The following TANGO6 variants were observed in gnomAD, a reference collection of about 807,000 sequenced individuals.
TANGO6 encodes transport and golgi organization 6 homolog.
TANGO6 carries 90 observed loss-of-function variants against 114.2 expected under a neutral mutation model. That is an observed-to-expected ratio of 0.79 (90% CI 0.66 to 0.94). The LOEUF (loss-of-function observed/expected upper bound fraction) is 0.94, where lower values mean the gene tolerates loss of function less well. Ranked by LOEUF, TANGO6 falls within the 40% of genes least tolerant of loss-of-function variation. The probability of loss-of-function intolerance (pLI) is 0.00; values close to 1 mark genes in which losing one functional copy is unlikely to be tolerated. For synonymous variants in TANGO6, 477 were observed against 509.8 expected (o/e 0.94, Z 0.87); for missense variants, 1,274 against 1,315.3 (o/e 0.97, Z 0.49).
At chr16:68,881,622 G>C (rs960677356) in intron 7 of TANGO6, among the ~76,000 whole-genome samples, 1 of 152,156 alleles carries the variant, frequency 6.6e-6, no homozygotes, top group Non-Finnish European at 1.5e-5. Context: ...AGTAATTACT[G>C]TCATAACAAA....
intron 17 of TANGO6, among the ~76,000 whole-genome samples, chr16:69,061,485 A>G (rs1000832726): frequency 3.9e-5 from 6 of 152,254 alleles, no homozygotes; most frequent in Admixed American, 3.9e-4. Flanking sequence ...CCTGGGAGGC[A>G]GAGGTTGCAG....
intron 15 of TANGO6, among the ~76,000 whole-genome samples, chr16:69,019,007 T>G (rs1036472854): frequency 2.6e-5 from 4 of 152,236 alleles, no homozygotes; most frequent in African/African-American, 9.6e-5. Context: ...ATGGGAATAC[T>G]GGTTCTGGTA....
intron 15 of TANGO6, among the ~76,000 whole-genome samples, chr16:68,984,714 G>T (rs957797032): frequency 4.6e-5 from 7 of 152,030 alleles, no homozygotes; most frequent in African/African-American, 1.7e-4. Context: ...TAGATGTGGG[G>T]TCTCACTATG....
At chr16:69,062,805 A>G (rs2152240628) in intron 17 of TANGO6, among the ~76,000 whole-genome samples, 1 of 151,208 alleles carries the variant, frequency 6.6e-6, no homozygotes, top group South Asian at 2.1e-4. Flanking sequence ...AAAAAAAAAA[A>G]AAAGAATCAG....
At chr16:69,057,081 C>G (rs1960044569) in intron 17 of TANGO6, among the ~76,000 whole-genome samples, 1 of 132,876 alleles carries the variant, frequency 7.5e-6, no homozygotes, top group Non-Finnish European at 1.5e-5. Flanking sequence ...TGATCTGGCT[C>G]ACTGCAAGCT....
chr16:69,048,484 G>A (rs1428126395), intron 17 of TANGO6, among the ~76,000 whole-genome samples: 1 of 151,954 alleles, frequency 6.6e-6, no homozygotes, highest in East Asian at 1.9e-4. Context: ...GCTCACTGCA[G>A]CCTGAAACTC....
At chr16:69,021,142 T>C (rs904625047) in intron 15 of TANGO6, among the ~76,000 whole-genome samples, 1 of 152,282 alleles carries the variant, frequency 6.6e-6, no homozygotes, top group African/African-American at 2.4e-5. Context: ...CTCATTGTAC[T>C]CTGAGAAAAA....
At position 68,966,915 on chromosome 16, in the gene TANGO6, G is replaced by A. The variant is rs376166864; in HGVS notation, c.2702-7113G>A. Among the ~76,000 whole-genome samples the A allele has an allele frequency of 1.3e-4, 20 of 152,036 alleles. 1 individual carries two copies. Among genetic ancestry groups the A allele is most frequent in the Admixed American group, 6.6e-5 (1 of 15,230 alleles). On this transcript the variant is annotated intron_variant, in intron 14 of 17. Transcript: ENST00000261778. Reference sequence around the variant, plus strand: ...GCCTCCCAAGTAGCTGGGAATACACGTATGCACCACCATGCCCTGCTAATT... The same window carrying A: ...GCCTCCCAAGTAGCTGGGAATACACATATGCACCACCATGCCCTGCTAATT...
chr16:68,874,003 C>T (rs531990142), intron 4 of TANGO6, among the ~76,000 whole-genome samples: 28 of 152,322 alleles, frequency 1.8e-4, no homozygotes, highest in Admixed American at 1.7e-3. Context: ...GAGATCCTCC[C>T]AGGCTGGCTG....
At chr16:68,995,431 A>G (rs561234652) in intron 15 of TANGO6, among the ~76,000 whole-genome samples, 3 of 152,150 alleles carry the variant, frequency 2.0e-5, no homozygotes, top group Non-Finnish European at 4.4e-5. Flanking sequence ...CCTCATCAAG[A>G]CCAGAAGATG....
chr16:69,020,900 A>ATGTGTGTGTGTG lies in TANGO6; in HGVS notation c.2843-1925_2843-1924insGTGTGTGTGTGT, dbSNP rs764050755. Among the ~76,000 whole-genome samples, 28 of 126,476 alleles carry ATGTGTGTGTGTG rather than the reference A, an allele frequency of 2.2e-4. 1 individual carries two copies. Among genetic ancestry groups the ATGTGTGTGTGTG allele is most frequent in the African/African-American group, 9.0e-4 (25 of 27,884 alleles). 83.0% of individuals were successfully genotyped at this position (126,476 alleles called of 152,430 possible). Reference sequence around the variant, plus strand: ...AGACCCACCCCCCCTTTATATATGTATGTATGTGTGTGTGTGTGTGTGTGT... The same window carrying ATGTGTGTGTGTG: ...AGACCCACCCCCCCTTTATATATGTATGTGTGTGTGTGTGTATGTGTGTGTGTGTGTGTGTGT... On this transcript the variant is annotated intron_variant, in intron 15 of 17. Transcript: ENST00000261778.
chr16:68,867,108 G>T lies in TANGO6; in HGVS notation c.882G>T (p.Arg294Ser). 6.2e-7 allele frequency: 1 copy of T among 1,613,302 alleles called. No homozygotes were observed. Among genetic ancestry groups the T allele is most frequent in the Non-Finnish European group, 8.5e-7 (1 of 1,179,754 alleles). The change falls in exon 4 of 18, where the codon AGG becomes AGT. Residue 294 changes from arginine to serine, a missense_variant. Coordinates refer to ENST00000261778, the MANE Select transcript of TANGO6 (RefSeq NM_024562.2). ...GCACAGATGTGAAGACACAGATGAG[G>T]TGTCGGGCCCCAGCTTGGCTTCGGC... ...QSCTDVKTQMRCRAPAWLRRL... is the reference protein window; with the variant it reads ...QSCTDVKTQMSCRAPAWLRRL...
intron 1 of TANGO6, among the ~76,000 whole-genome samples, chr16:68,855,481 C>T (rs1456313774): frequency 6.6e-6 from 1 of 151,786 alleles, no homozygotes; most frequent in Non-Finnish European, 1.5e-5. Context: ...ACTGGGGAGG[C>T]TGAGGCACGA....
chr16:69,054,952 A>T (rs988759944), intron 17 of TANGO6, among the ~76,000 whole-genome samples: 5 of 151,712 alleles, frequency 3.3e-5, no homozygotes, highest in Non-Finnish European at 7.4e-5. Context: ...AAAAAAAAAA[A>T]AAAAAAAAAA....
intron 17 of TANGO6, among the ~76,000 whole-genome samples, chr16:69,074,922 C>A (rs935447853): frequency 1.3e-5 from 2 of 151,832 alleles, no homozygotes; most frequent in Non-Finnish European, 2.9e-5. Context: ...ATTCTTGGCT[C>A]ACTGCAACCT....
At chr16:68,973,774 A>C in intron 14 of TANGO6, 1 of 491,876 alleles carries the variant, frequency 2.0e-6, no homozygotes, top group South Asian at 2.6e-5. Flanking sequence ...TGCCTGGATC[A>C]TAGAACGTCA....
rs779559309 is a variant in TANGO6 at position 68,843,659 on chromosome 16, A to G, written c.42A>G (p.Thr14=). 16 of 1,613,644 alleles carry G rather than the reference A, an allele frequency of 9.9e-6. No individual in the cohort carries two copies. Among genetic ancestry groups the G allele is most frequent in the Non-Finnish European group, 1.3e-5 (15 of 1,179,738 alleles). The part of the protein sequence containing the change: ...RQAVGSGAQE[T]CGLDRILEAL... ...CCGTGGGCAGCGGGGCTCAGGAGAC[A>G]TGCGGTCTGGATCGGATTTTGGAGG... is the stretch of plus-strand genomic sequence containing the variant. Residue 14 remains threonine, a synonymous_variant, in exon 1 of 18, where the codon ACA becomes ACG. Transcript: ENST00000261778.
chr16:68,882,292 T>A (rs911207784), intron 7 of TANGO6, among the ~76,000 whole-genome samples: 1 of 150,898 alleles, frequency 6.6e-6, no homozygotes, highest in Non-Finnish European at 1.5e-5. Context: ...GTCAGGAGAT[T>A]GAGACCATCC....
chr16:69,068,697 C>T (rs1960253696), intron 17 of TANGO6, among the ~76,000 whole-genome samples: 1 of 152,106 alleles, frequency 6.6e-6, no homozygotes. Context: ...TTTGCAATTC[C>T]TTGTGCTTGG....
Sources: gnomAD v4.1 joint callset for allele counts (sites outside exome capture counted in the v4.1 genomes callset) on GRCh38, gnomAD v4.1.1 for gene constraint, MANE v1.5 for transcripts, NCBI Gene and HGNC (gene_info 2026-07-23, HGNC 2026-07-21) for gene names.